The following ATAD2B variants were observed in gnomAD, a reference collection of about 807,000 sequenced individuals.
The protein encoded by ATAD2B is ATPase family AAA domain-containing protein 2B.
In ATAD2B, 40 loss-of-function variants were observed where a neutral mutation model predicts 167.6. The observed-to-expected ratio is 0.24, with a 90% CI of 0.19 to 0.31. ATAD2B has a LOEUF of 0.31. Among genes scored for constraint, ATAD2B ranks in the 10% least tolerant of loss-of-function variants. ATAD2B has a pLI of 1.00. For synonymous variants in ATAD2B, 579 were observed against 596.5 expected (o/e 0.97, Z 0.43); for missense variants, 1,242 against 1,757.2 (o/e 0.71, Z 5.24).
chr2:23,787,545 G>T (rs1410443154), intron 20 of ATAD2B, among the ~76,000 whole-genome samples: 1 of 151,828 alleles, frequency 6.6e-6, no homozygotes, highest in Non-Finnish European at 1.5e-5. Flanking sequence ...TTTGACAGGG[G>T]TTCATTTTTA....
At chr2:23,831,519 C>T (rs1272079514) in intron 14 of ATAD2B, among the ~76,000 whole-genome samples, 2 of 152,094 alleles carry the variant, frequency 1.3e-5, no homozygotes, top group East Asian at 1.9e-4. Flanking sequence ...TTCCCTAGGC[C>T]GTTCATTATG....
intron 14 of ATAD2B, among the ~76,000 whole-genome samples, chr2:23,830,185 T>C (rs1391166281): frequency 6.6e-6 from 1 of 152,168 alleles, no homozygotes; most frequent in African/African-American, 2.4e-5. Flanking sequence ...AGTTTCACCA[T>C]GTTGGCCAGG....
chr2:23,872,183 GTTTTTA>G, intron 8 of ATAD2B: 3 of 304,200 alleles, frequency 9.9e-6, no homozygotes, highest in South Asian at 9.5e-5. Context: ...GCCTGTTTCT[GTTTTTA>G]TTTTTGTTTT....
rs762385685 is a variant in ATAD2B, at chr2:23,762,357, A to G, written c.3257-11T>C. 1.2e-6 allele frequency: 2 copies of G among 1,609,146 alleles called. No homozygotes were observed. Among genetic ancestry groups the G allele is most frequent in the Admixed American group, 3.4e-5 (2 of 59,092 alleles). ...ATGTTACTGATAAGCCTGCAAGCAG[A>G]AGATAAGCAATACCTCTTTAAATAT... is the stretch of plus-strand genomic sequence containing the variant. On this transcript the variant is annotated splice_polypyrimidine_tract_variant and intron_variant, in intron 23 of 27. Coordinates refer to ENST00000238789, the MANE Select transcript of ATAD2B (RefSeq NM_017552.4).
At position 23,749,643 on chromosome 2, in the gene ATAD2B, T is replaced by G. The variant is rs550444792; in HGVS notation, c.*2403A>C. On this transcript the variant is annotated 3_prime_UTR_variant, in exon 28 of 28. Transcript: ENST00000238789. ...CTTGGCATTAGATTGACTTTCTCTT[T>G]AAGACCTAAACTGTTCAAAGTGGCA... 1 of 152,244 alleles carries G rather than the reference T, an allele frequency of 6.6e-6. No individual in the cohort carries two copies. The highest frequency in any genetic ancestry group is 1.9e-4 in the East Asian group (1 of 5,184). 9.4% of individuals were successfully genotyped at this position (152,244 alleles called of 1,614,324 possible).
chr2:23,792,067 CT>C (rs140695924), intron 19 of ATAD2B, among the ~76,000 whole-genome samples: 207 of 145,172 alleles, frequency 1.4e-3, no homozygotes, highest in Middle Eastern at 3.6e-3. Flanking sequence ...TAACAGCCAT[CT>C]TTTTTTTTTT....
chr2:23,730,665 C>CAAAAAAAAAAAAAAA, the ATAD2B span, among the ~76,000 whole-genome samples: 1 of 31,980 alleles, frequency 3.1e-5, no homozygotes, highest in Non-Finnish European at 5.4e-5. Flanking sequence ...GACTCCGTTT[C>CAAAAAAAAAAAAAAA]AAAAAAAAAA....
intron 8 of ATAD2B, among the ~76,000 whole-genome samples, chr2:23,871,802 C>T (rs890014088): frequency 6.6e-6 from 1 of 152,194 alleles, no homozygotes; most frequent in African/African-American, 2.4e-5. Flanking sequence ...ACCTCCTACT[C>T]CTTCTCTACT....
chr2:23,924,492 T>C lies in ATAD2B; in HGVS notation c.216+2063A>G, dbSNP rs565799518. Among the ~76,000 whole-genome samples the C allele has an allele frequency of 4.6e-5, 7 of 152,270 alleles. No individual in the cohort carries two copies. In the South Asian group the frequency reaches 1.5e-3, roughly 32 times the overall value. On this transcript the variant is annotated intron_variant, in intron 1 of 27. Transcript: ENST00000238789. Reference sequence around the variant, plus strand: ...AAATATACAACCTGCTTCATAAATATATAGTCCATAAACTTAATAAATTCA... The same window carrying C: ...AAATATACAACCTGCTTCATAAATACATAGTCCATAAACTTAATAAATTCA...
At chr2:23,896,514 C>T (rs142081701) in intron 1 of ATAD2B, among the ~76,000 whole-genome samples, 294 of 152,006 alleles carry the variant, frequency 1.9e-3, no homozygotes, top group Admixed American at 3.1e-3. Context: ...CAAGAAAGGG[C>T]GTGTGTTCTT....
intron 14 of ATAD2B, among the ~76,000 whole-genome samples, chr2:23,833,400 T>A (rs79590556): frequency 7.0e-6 from 1 of 142,734 alleles, no homozygotes; most frequent in Non-Finnish European, 1.5e-5. Flanking sequence ...GAAAAAAAAA[T>A]TTGTATATCA....
intron 12 of ATAD2B, among the ~76,000 whole-genome samples, chr2:23,859,304 T>C (rs927261700): frequency 6.6e-6 from 1 of 152,076 alleles, no homozygotes; most frequent in Non-Finnish European, 1.5e-5. Context: ...TATTTATTTA[T>C]TTATTTATTT....
At chr2:23,852,621 T>C (rs1692744542) in intron 13 of ATAD2B, among the ~76,000 whole-genome samples, 1 of 152,134 alleles carries the variant, frequency 6.6e-6, no homozygotes, top group Admixed American at 6.6e-5. Flanking sequence ...AAAGTTAGTT[T>C]ACTATCTAAA....
rs538614631 is a variant in ATAD2B, at chr2:23,839,331, T to G, written c.1569-5253A>C. 4.6e-5 allele frequency among the ~76,000 whole-genome samples: 7 copies of G among 152,260 alleles called. No homozygotes were observed. The South Asian group carries it at 1.0e-3, about 23-fold the overall frequency. On this transcript the variant is annotated intron_variant, in intron 13 of 27. Coordinates refer to ENST00000238789, the MANE Select transcript of ATAD2B (RefSeq NM_017552.4). The stretch of plus-strand genomic sequence containing the variant: ...AAACATGCTTGTCATATTCCCCATA[T>G]TATAAGAAAAGATTTCATGTTTGAA...
At chr2:23,874,061 C>G (rs967507034) in intron 8 of ATAD2B, among the ~76,000 whole-genome samples, 1 of 152,006 alleles carries the variant, frequency 6.6e-6, no homozygotes, top group Non-Finnish European at 1.5e-5. Flanking sequence ...GTGGTGTATG[C>G]CTGTAACCCC....
chr2:23,836,438 T>A lies in ATAD2B; in HGVS notation c.1569-2360A>T, dbSNP rs1381015717. Among the ~76,000 whole-genome samples, 12 of 152,276 alleles carry A rather than the reference T, an allele frequency of 7.9e-5. No individual in the cohort carries two copies. In the East Asian group the frequency reaches 2.3e-3, roughly 29 times the overall value. ...CTGAAGGGCTGCAGCTCTTCTCTCC[T>A]CTTCACCCACAAAATGGCAAGCAAG... On this transcript the variant is annotated intron_variant, in intron 13 of 27. Transcript: ENST00000238789.
At chr2:23,695,484 G>A in the ATAD2B span, 1 of 667,706 alleles carries the variant, frequency 1.5e-6, no homozygotes. This position sits in a 1 kb window ranked among gnomAD's most constrained non-coding sequence, Gnocchi z 7.6. Context: ...CTCTGTCTAG[G>A]CTAGCAGAGT....
chr2:23,769,712 G>T (rs7569226), intron 22 of ATAD2B, among the ~76,000 whole-genome samples: 9,310 of 128,012 alleles, frequency 0.073, 639 homozygotes, highest in Non-Finnish European at 0.096. Flanking sequence ...CTCACTGTGG[G>T]TTTTTTTTTT....
chr2:23,818,037 T>C (rs535353511), intron 17 of ATAD2B, among the ~76,000 whole-genome samples: 3 of 151,592 alleles, frequency 2.0e-5, no homozygotes, highest in Admixed American at 2.0e-4. Context: ...TGCTACTACA[T>C]AATACAAATC....
Sources: allele counts gnomAD v4.1 joint callset (sites outside exome capture counted in the v4.1 genomes callset), GRCh38; gene constraint gnomAD v4.1.1; non-coding constraint Gnocchi (gnomAD v3.1); transcripts MANE v1.5; gene names NCBI Gene and HGNC (gene_info 2026-07-23, HGNC 2026-07-21).